RNPEPL1: variants seen among roughly 807,000 people sequenced by gnomAD.
RNPEPL1 encodes aminopeptidase RNPEPL1.
Under a neutral mutation model 69.0 loss-of-function variants are expected in RNPEPL1, and 46 were observed. The observed-to-expected ratio is 0.67, with a 90% confidence interval of 0.53 to 0.85. The LOEUF is 0.85. RNPEPL1 is among the 40% of genes least tolerant of loss of function. The pLI is 0.00. For synonymous variants in RNPEPL1, 525 were observed against 454.1 expected (o/e 1.16, Z -1.98); for missense variants, 869 against 992.5 (o/e 0.88, Z 1.67).
chr2:240,575,932 C>T (rs2093036205), intron 8 of RNPEPL1: 1 of 395,606 alleles, frequency 2.5e-6, no homozygotes, highest in Non-Finnish European at 4.8e-6. Flanking sequence ...AGCTGGAGAA[C>T]AGCAGCCAGC....
At position 240,568,596 on chromosome 2, in the gene RNPEPL1, C is replaced by T. The variant is rs950561084; in HGVS notation, c.10C>T (p.Gln4Ter). Residue 4 changes from glutamine (Q) to a stop codon, truncating the protein, a stop_gained, in exon 1 of 11, where the codon CAG becomes TAG. Transcript: ENST00000270357. LOFTEE classifies it high-confidence loss of function. The surrounding 1 kb of genome is among the most constrained non-coding windows in gnomAD (Gnocchi z 6.2). ...CCTAGTGCCGGCGGCCATGGCCGCGCAGTGCTGCTGCCGCCAGGCGCCCGG... is the reference window on the plus strand; with the variant it reads ...CCTAGTGCCGGCGGCCATGGCCGCGTAGTGCTGCTGCCGCCAGGCGCCCGG... The part of the protein sequence containing the change: MAA[Q>*]CCCRQAPGAE... 5.1e-6 allele frequency: 5 copies of T among 986,106 alleles called. No homozygotes were observed. The highest frequency in any genetic ancestry group is 6.0e-6 in the Non-Finnish European group (5 of 832,542). 61.1% of individuals were successfully genotyped at this position (986,106 alleles called of 1,614,324 possible). A position where few individuals can be genotyped will look rare whatever the true frequency, so the allele number is the denominator to read the frequency against.
At chr2:240,573,668 T>C (rs2093029091) in intron 3 of RNPEPL1, 107 bp from the exon 4 acceptor site, 9 of 960,360 alleles carry the variant, frequency 9.4e-6, no homozygotes, top group South Asian at 6.8e-5. Flanking sequence ...TCAGCCAGGC[T>C]GGGTGAGGTG....
In RNPEPL1 at chr2:240,572,500, C is replaced by T. The variant is rs1168199836; in HGVS notation, c.606C>T (p.Asn202=). 6.5e-7 allele frequency: 1 copy of T among 1,536,308 alleles called. No homozygotes were observed. Among genetic ancestry groups the T allele is most frequent in the Non-Finnish European group, 8.7e-7 (1 of 1,146,908 alleles). The change falls in exon 2 of 11, where the codon AAC becomes AAT. Residue 202 remains asparagine (N), a synonymous_variant. Coordinates refer to ENST00000270357, the MANE Select transcript of RNPEPL1 (RefSeq NM_018226.6). ...TCACCCAGGGCCACTCCGTGTGCAACCGCTCCTTCTTCCCGTGCTTCGACA... is the reference window on the plus strand; with the variant it reads ...TCACCCAGGGCCACTCCGTGTGCAATCGCTCCTTCTTCCCGTGCTTCGACA... ...FVFTQGHSVC[N]RSFFPCFDTP...
chr2:240,575,668 C>T, intron 8 of RNPEPL1, 58 bp downstream of exon 8: 1 of 1,373,620 alleles, frequency 7.3e-7, no homozygotes, highest in South Asian at 1.2e-5. Context: ...GCAGGCGGGG[C>T]CTCTGCTGCC....
chr2:240,578,074 C>A lies in RNPEPL1; in HGVS notation c.*182C>A. ...GGACCTCCTTGTGTCTGGCAGAGAC[C>A]TGTGGACCTGGCCTCCCCACTCCCA... On this transcript the variant is annotated 3_prime_UTR_variant, in exon 11 of 11. Coordinates refer to ENST00000270357, the MANE Select transcript of RNPEPL1 (RefSeq NM_018226.6). The A allele has an allele frequency of 3.7e-6, 2 of 544,136 alleles. No individual in the cohort carries two copies. Among genetic ancestry groups the A allele is most frequent in the South Asian group, 4.8e-5 (1 of 20,960 alleles). The allele number at this position is 544,136 out of a possible 1,614,324, so 33.7% of individuals were successfully genotyped here.
Position 240,577,760 on chromosome 2 carries a change from G to T in RNPEPL1, c.2046G>T (p.Glu682Asp). The T allele has an allele frequency of 6.2e-7, 1 of 1,612,168 alleles. No homozygotes were observed. Among genetic ancestry groups the T allele is most frequent in the South Asian group, 1.1e-5 (1 of 90,958 alleles). ...CCCAGGGCCTGGGCTCCAGCACAGA[G>T]CCCGCCTCAGAGCCCAGCACGGAGC... ...ILSQGLGSST[E>D]PASEPSTELG... Residue 682 changes from glutamate to aspartate, a missense_variant, in exon 11 of 11, where the codon GAG becomes GAT. Glu to Asp is a conservative substitution (Grantham distance 45). This residue lies in a region of RNPEPL1 where 610 missense variants were observed against 790.9 expected (regional missense o/e 0.77). Coordinates refer to ENST00000270357, the MANE Select transcript of RNPEPL1 (RefSeq NM_018226.6).
intron 7 of RNPEPL1, 169 bp downstream of exon 7, chr2:240,575,311 TCCC>T: frequency 1.4e-6 from 1 of 728,098 alleles, no homozygotes; most frequent in East Asian, 2.7e-5. Flanking sequence ...GGTTGCCACC[TCCC>T]CTTCTGCCAC....
chr2:240,573,847 G>A lies in RNPEPL1; in HGVS notation c.894G>A (p.Trp298Ter). 1 of 1,559,840 alleles carries A rather than the reference G, an allele frequency of 6.4e-7. No homozygotes were observed. ...AGCTGTCGGGCGCAGTGGAGCAGTG[G>A]CTGAGTGCAGCTGAGCGGCTGTATG... ...TSKLSGAVEQ[W>*]LSAAERLYGP... The change falls in exon 4 of 11, where the codon TGG becomes TGA. Residue 298 changes from tryptophan to a stop codon, truncating the protein, a stop_gained. Transcript: ENST00000270357. LOFTEE classifies it high-confidence loss of function.
chr2:240,572,130 G>A (rs538367542), intron 1 of RNPEPL1, among the ~76,000 whole-genome samples: 17 of 152,334 alleles, frequency 1.1e-4, no homozygotes, highest in South Asian at 4.1e-4. Context: ...TCGCCTTGGC[G>A]TTAGCTGGGA....
intron 7 of RNPEPL1, 57 bp downstream of exon 7, chr2:240,575,199 G>C: frequency 1.5e-6 from 2 of 1,337,708 alleles, no homozygotes; most frequent in Non-Finnish European, 1.1e-6. Flanking sequence ...GCCCCTCCCC[G>C]GCTCACAGGG....
rs2093026250 is a variant in RNPEPL1, at chr2:240,572,975, C to T, written c.670-135C>T. ...GGTGGCAGTTCTTCGGAGAGAAGTT[C>T]TCTGACAGAAACGTTCCCTGATGGG... On this transcript the variant is annotated intron_variant, in intron 2 of 10. Transcript: ENST00000270357. The T allele has an allele frequency of 4.8e-5, 52 of 1,079,726 alleles. 1 individual carries two copies. The South Asian group carries it at 8.8e-4, about 18-fold the overall frequency. The allele number at this position is 1,079,726 out of a possible 1,614,324, so 66.9% of individuals were successfully genotyped here.
In RNPEPL1 at chr2:240,569,299, G is replaced by C. The variant is rs1467793115; in HGVS notation, c.528+185G>C. Reference sequence around the variant, plus strand: ...ACCCTCGGATAGAAGCCGGAGTCCTGCGGGGACACGGGACAGCATGTCACT... The same window carrying C: ...ACCCTCGGATAGAAGCCGGAGTCCTCCGGGGACACGGGACAGCATGTCACT... On this transcript the variant is annotated intron_variant, in intron 1 of 10. Transcript: ENST00000270357. 4.8e-6 allele frequency: 3 copies of C among 624,396 alleles called. No homozygotes were observed. The African/African-American group carries it at 5.9e-5, about 12-fold the overall frequency. 38.7% of individuals were successfully genotyped at this position (624,396 alleles called of 1,614,324 possible).
chr2:240,576,834 C>T lies in RNPEPL1; in HGVS notation c.1742-14C>T, dbSNP rs2093039147. On this transcript the variant is annotated splice_polypyrimidine_tract_variant and intron_variant, in intron 9 of 10. Transcript: ENST00000270357. ...CAACAGCGGCCCAGCCCTGACCTGC[C>T]CCCTGCGCTGCAGAGGTGGTGATGA... is the stretch of plus-strand genomic sequence containing the variant. The T allele has an allele frequency of 6.2e-6, 10 of 1,612,972 alleles. No individual in the cohort carries two copies. The highest frequency in any genetic ancestry group is 1.1e-5 in the South Asian group (1 of 91,084).
rs547898740 is a variant in RNPEPL1 at position 240,572,471 on chromosome 2, G to A, written c.577G>A (p.Val193Ile). The A allele has an allele frequency of 4.0e-5, 61 of 1,536,260 alleles. No individual in the cohort carries two copies. The highest frequency in any genetic ancestry group is 4.5e-5 in the Non-Finnish European group (52 of 1,146,878). The change falls in exon 2 of 11, where the codon GTC becomes ATC. Residue 193 changes from valine (V) to isoleucine (I), a missense_variant. By Grantham distance (29) the Val-to-Ile change is conservative (BLOSUM62 3). Coordinates refer to ENST00000270357, the MANE Select transcript of RNPEPL1 (RefSeq NM_018226.6). ...GACCTATGGCTGCGCCAAGCCCTTC[G>A]TCTTCACCCAGGGCCACTCCGTGTG... Reference protein sequence around the residue: ...ELTYGCAKPFVFTQGHSVCNR... With the variant: ...ELTYGCAKPFIFTQGHSVCNR...
Position 240,578,037 on chromosome 2 carries a change from G to A in RNPEPL1, c.*145G>A. The A allele has an allele frequency of 1.3e-6, 1 of 781,292 alleles. No homozygotes were observed. Among genetic ancestry groups the A allele is most frequent in the Non-Finnish European group, 1.9e-6 (1 of 534,612 alleles). The allele number at this position is 781,292 out of a possible 1,614,324, so 48.4% of individuals were successfully genotyped here. A position where few individuals can be genotyped will look rare whatever the true frequency, so the allele number is the denominator to read the frequency against. On this transcript the variant is annotated 3_prime_UTR_variant, in exon 11 of 11. Transcript: ENST00000270357. ...TCCCCTGGGCTCTCCCAGGCAGGGA[G>A]AATGGGGAGAGGGACCTCCTTGTGT...
At position 240,580,831 on chromosome 2, in the gene RNPEPL1, G is replaced by A. The variant is rs1440809712; in HGVS notation, c.*2939G>A. On this transcript the variant is annotated 3_prime_UTR_variant, in exon 11 of 11. Coordinates refer to ENST00000270357, the MANE Select transcript of RNPEPL1 (RefSeq NM_018226.6). ...ATGTTCAAAAAGGGAAAAGAAGCGT[G>A]ATGAAAGACTGGTTTCTACAGAGAT... 1.3e-5 allele frequency: 2 copies of A among 152,226 alleles called. No individual in the cohort carries two copies. The highest frequency in any genetic ancestry group is 4.8e-5 in the African/African-American group (2 of 41,458). 9.4% of individuals were successfully genotyped at this position (152,226 alleles called of 1,614,324 possible).
At chr2:240,573,306 G>GGA in intron 3 of RNPEPL1, 45 bp downstream of exon 3, 1 of 1,524,622 alleles carries the variant, frequency 6.6e-7, no homozygotes, top group Non-Finnish European at 8.8e-7. Context: ...CAGGCCTCGG[G>GGA]GAGAGCCCCA....
intron 8 of RNPEPL1, chr2:240,576,036 C>A (rs2093036603): frequency 7.8e-6 from 2 of 257,954 alleles, no homozygotes; most frequent in African/African-American, 2.2e-5. Flanking sequence ...AGGGAGAGGC[C>A]AGAATTGCTG....
At position 240,574,775 on chromosome 2, in the gene RNPEPL1, A is replaced by T. The variant is rs557946747; in HGVS notation, c.1288+147A>T. 1.6e-5 allele frequency: 12 copies of T among 756,030 alleles called. No homozygotes were observed. The African/African-American group carries it at 2.1e-4, about 13-fold the overall frequency. The allele number at this position is 756,030 out of a possible 1,614,324, so 46.8% of individuals were successfully genotyped here. Reference sequence around the variant, plus strand: ...AAGGCCAAGCTGGGAGCCCCTGGCCAGGGCAAGGCCTCCCCAGGCTCCCAC... The same window carrying T: ...AAGGCCAAGCTGGGAGCCCCTGGCCTGGGCAAGGCCTCCCCAGGCTCCCAC... On this transcript the variant is annotated intron_variant, in intron 6 of 10. Transcript: ENST00000270357.
Sources: gnomAD v4.1 joint callset for allele counts (sites outside exome capture counted in the v4.1 genomes callset) on GRCh38, gnomAD v4.1.1 for gene constraint, gnomAD v4.1.1 regional missense constraint, Gnocchi (gnomAD v3.1) non-coding constraint, MANE v1.5 for transcripts, NCBI Gene and HGNC (gene_info 2026-07-23, HGNC 2026-07-21) for gene names.